The following PKHD1 variants were observed in gnomAD, a reference collection of about 807,000 sequenced individuals.
The protein encoded by PKHD1 is PKHD1 ciliary IPT domain containing fibrocystin/polyductin.
A neutral mutation model predicts 412.0 loss-of-function variants in PKHD1; 291 were observed. That is an observed-to-expected ratio of 0.71 (90% CI 0.64 to 0.78). PKHD1 has a LOEUF of 0.78. PKHD1 is among the 30% of genes least tolerant of loss of function. The probability of loss-of-function intolerance (pLI) is 0.00; values close to 1 mark genes in which losing one functional copy is unlikely to be tolerated. For synonymous variants in PKHD1, 1,777 were observed against 1,821.5 expected (o/e 0.98, Z 0.62); for missense variants, 4,825 against 4,950.7 (o/e 0.97, Z 0.76).
rs540920907 is a variant in PKHD1, at chr6:51,951,333, C to CA, written c.5908+8536dup. On this transcript the variant is annotated intron_variant, in intron 36 of 66. Coordinates refer to ENST00000371117, the MANE Select transcript of PKHD1 (RefSeq NM_138694.4). ...TATTTCTAAGGAGAAATAGAAAAGA[C>CA]AAAAAAAAAATCGTCTTTTTCCCGA... Among the ~76,000 whole-genome samples, 336 of 147,560 alleles carry CA rather than the reference C, an allele frequency of 2.3e-3. 1 individual carries two copies. Among genetic ancestry groups the CA allele is most frequent in the South Asian group, 0.014 (65 of 4,678 alleles).
At chr6:52,026,943 A>G (rs1399723596) in intron 31 of PKHD1, among the ~76,000 whole-genome samples, 1 of 152,260 alleles carries the variant, frequency 6.6e-6, no homozygotes, top group African/African-American at 2.4e-5. Context: ...TATCTTACAC[A>G]TGATCACAAC....
intron 52 of PKHD1, among the ~76,000 whole-genome samples, chr6:51,828,066 T>C (rs10456648): frequency 0.44 from 67,362 of 151,978 alleles, 16,021 homozygotes; most frequent in Middle Eastern, 0.61. Context: ...TAGTTTTTTA[T>C]TTTATTTTTG....
At chr6:51,703,013 G>C (rs1353014338) in intron 60 of PKHD1, among the ~76,000 whole-genome samples, 1 of 151,316 alleles carries the variant, frequency 6.6e-6, no homozygotes, top group Non-Finnish European at 1.5e-5. Flanking sequence ...GCACTAAAAT[G>C]TAAGAGGAAA....
chr6:51,847,423 T>A (rs1771386313), intron 50 of PKHD1, among the ~76,000 whole-genome samples: 1 of 152,174 alleles, frequency 6.6e-6, no homozygotes, highest in Non-Finnish European at 1.5e-5. Flanking sequence ...ATATTATTAG[T>A]ACTAACTACC....
intron 35 of PKHD1, among the ~76,000 whole-genome samples, chr6:51,999,211 C>T (rs1020024162): frequency 6.6e-6 from 1 of 152,186 alleles, no homozygotes; most frequent in African/African-American, 2.4e-5. Context: ...CTCATACATA[C>T]AGTAATACCA....
chr6:52,085,036 AGC>A lies in PKHD1; in HGVS notation c.-84-21_-84-20del. 4.8e-6 allele frequency: 4 copies of A among 837,790 alleles called. No individual in the cohort carries two copies. In the Admixed American group the frequency reaches 5.4e-5, roughly 11 times the overall value. The allele number at this position is 837,790 out of a possible 1,614,324, so 51.9% of individuals were successfully genotyped here. A position where few individuals can be genotyped will look rare whatever the true frequency, so the allele number is the denominator to read the frequency against. On this transcript the variant is annotated intron_variant, in intron 1 of 66. Transcript: ENST00000371117. ...TTTTGTGCTTTATAAAAACAAAAAA[AGC>A]AAAAAAAAATTATCATTTTGTTTAC...
At chr6:51,925,790 C>A (rs1345413179) in intron 37 of PKHD1, among the ~76,000 whole-genome samples, 1 of 151,344 alleles carries the variant, frequency 6.6e-6, no homozygotes, top group African/African-American at 2.4e-5. Flanking sequence ...TTCTCTCTCC[C>A]TTCCTCTCTC....
intron 37 of PKHD1, among the ~76,000 whole-genome samples, chr6:51,918,037 C>G (rs1784100293): frequency 6.6e-6 from 1 of 152,036 alleles, no homozygotes; most frequent in Non-Finnish European, 1.5e-5. Context: ...AGTAGGGAAA[C>G]TGAGAGCCTG....
intron 37 of PKHD1, among the ~76,000 whole-genome samples, chr6:51,932,082 C>A (rs964335173): frequency 6.6e-6 from 1 of 152,086 alleles, no homozygotes; most frequent in African/African-American, 2.4e-5. Flanking sequence ...CATCAGATGG[C>A]TGAAGTAGCA....
intron 61 of PKHD1, among the ~76,000 whole-genome samples, chr6:51,656,091 C>T (rs369634372): frequency 1.9e-4 from 29 of 152,234 alleles, no homozygotes; most frequent in African/African-American, 6.5e-4. Context: ...TGGAACCAAC[C>T]CAAATGCCCA....
At chr6:51,962,560 C>A (rs1018708625) in intron 35 of PKHD1, among the ~76,000 whole-genome samples, 1 of 152,080 alleles carries the variant, frequency 6.6e-6, no homozygotes, top group East Asian at 1.9e-4. Flanking sequence ...GTGGAAAGGT[C>A]AAATACTGTT....
chr6:51,774,645 A>G (rs1324557671), intron 54 of PKHD1, among the ~76,000 whole-genome samples: 1 of 151,988 alleles, frequency 6.6e-6, no homozygotes, highest in African/African-American at 2.4e-5. Flanking sequence ...ATATTATGGA[A>G]CTAAGTTAAG....
intron 35 of PKHD1, among the ~76,000 whole-genome samples, chr6:51,978,960 A>C (rs1001676241): frequency 5.3e-5 from 8 of 152,234 alleles, no homozygotes; most frequent in African/African-American, 1.9e-4. Context: ...TAACATGTGT[A>C]TAATGACATT....
intron 57 of PKHD1, among the ~76,000 whole-genome samples, chr6:51,750,615 C>T (rs1446621408): frequency 6.6e-6 from 1 of 152,068 alleles, no homozygotes; most frequent in Non-Finnish European, 1.5e-5. Flanking sequence ...CAGAAGCTCT[C>T]AGGATTATTT....
intron 6 of PKHD1, among the ~76,000 whole-genome samples, chr6:52,075,282 C>T (rs557433003): frequency 4.6e-5 from 7 of 152,284 alleles, no homozygotes; most frequent in South Asian, 2.1e-4. Flanking sequence ...AAATATAAAA[C>T]GCTTTTCAAT....
At chr6:51,959,763 T>C (rs1791710291) in intron 36 of PKHD1, 107 bp downstream of exon 36, 7 of 1,039,932 alleles carry the variant, frequency 6.7e-6, no homozygotes, top group Non-Finnish European at 3.0e-6. Context: ...TGAGGATAAA[T>C]TGTCAACTAA....
chr6:51,860,261 G>A (rs538803090), intron 48 of PKHD1, among the ~76,000 whole-genome samples: 4 of 152,268 alleles, frequency 2.6e-5, no homozygotes. Flanking sequence ...TCTCCCATCA[G>A]GCAAGATGGC....
chr6:51,869,484 A>C (rs1775625051), intron 47 of PKHD1, among the ~76,000 whole-genome samples: 1 of 152,076 alleles, frequency 6.6e-6, no homozygotes. Context: ...GACAGAAACT[A>C]TGTGTTTTTT....
At chr6:51,705,785 A>C (rs1365315025) in intron 60 of PKHD1, among the ~76,000 whole-genome samples, 1 of 152,112 alleles carries the variant, frequency 6.6e-6, no homozygotes, top group Non-Finnish European at 1.5e-5. Context: ...GGAAGTGATA[A>C]AGCAAAAGCC....
Sources: allele counts gnomAD v4.1 joint callset (sites outside exome capture counted in the v4.1 genomes callset), GRCh38; gene constraint gnomAD v4.1.1; transcripts MANE v1.5; gene names NCBI Gene and HGNC (gene_info 2026-07-23, HGNC 2026-07-21).